Variants in PCDHA1 observed in about 807,000 individuals in gnomAD.
PCDHA1 encodes protocadherin alpha 1.
A neutral mutation model predicts 61.3 loss-of-function variants in PCDHA1; 42 were observed. The observed-to-expected ratio is 0.69, with a 90% CI of 0.54 to 0.89. The LOEUF (loss-of-function observed/expected upper bound fraction) is 0.89, where lower values mean the gene tolerates loss of function less well. Ranked by LOEUF, PCDHA1 falls within the 40% of genes least tolerant of loss-of-function variation. The pLI is 0.00. For missense variants in PCDHA1, 1,256 were observed against 1,235.3 expected, an observed-to-expected ratio of 1.02 and a Z score of -0.25; for synonymous variants, 610 against 553.8, an observed-to-expected ratio of 1.10 and a Z score of -1.43.
At chr5:140,799,828 A>G (rs1762478600) in intron 1 of PCDHA1, among the ~76,000 whole-genome samples, 1 of 152,148 alleles carries the variant, frequency 6.6e-6, no homozygotes, top group African/African-American at 2.4e-5. Context: ...TCTGGGTATA[A>G]GCAAAAATTT....
At chr5:140,852,838 C>A in intron 1 of PCDHA1, 1 of 968,954 alleles carries the variant, frequency 1.0e-6, no homozygotes, top group Non-Finnish European at 1.2e-6. Context: ...CTCCTTAGAG[C>A]TAGTACTTAC....
Position 141,011,847 on chromosome 5 carries a change from T to C in PCDHA1, c.*1910T>C, listed in dbSNP as rs745912784. 2.0e-5 allele frequency: 3 copies of C among 153,780 alleles called. No individual in the cohort carries two copies. Among genetic ancestry groups the C allele is most frequent in the Non-Finnish European group, 4.4e-5 (3 of 68,052 alleles). The allele number at this position is 153,780 out of a possible 1,614,324, so 9.5% of individuals were successfully genotyped here. ...ATTTGCTGTCACCTTAAATAAGACA[T>C]TTTAATTTTGTTATAATGTACAATT... On this transcript the variant is annotated 3_prime_UTR_variant, in exon 4 of 4. Coordinates refer to ENST00000504120, the MANE Select transcript of PCDHA1 (RefSeq NM_018900.4).
At chr5:140,989,890 G>A (rs368567650) in intron 3 of PCDHA1, among the ~76,000 whole-genome samples, 5 of 151,974 alleles carry the variant, frequency 3.3e-5, no homozygotes, top group Middle Eastern at 3.4e-3. Context: ...TGGAGTCTCC[G>A]TTATTCACAA....
At chr5:141,003,324 C>T (rs909788744) in intron 3 of PCDHA1, among the ~76,000 whole-genome samples, 4 of 152,132 alleles carry the variant, frequency 2.6e-5, no homozygotes, top group African/African-American at 9.7e-5. Flanking sequence ...TTCCAGAGGG[C>T]AGGGTTTTTT....
At chr5:140,796,968 G>C (rs369554786) in intron 1 of PCDHA1, 2 of 1,613,820 alleles carry the variant, frequency 1.2e-6, no homozygotes, top group East Asian at 4.5e-5. Context: ...TGTTAGTGTC[G>C]TTGGTGGAAA....
intron 1 of PCDHA1, chr5:140,807,586 C>T (rs782149681): frequency 1.9e-6 from 3 of 1,614,152 alleles, no homozygotes; most frequent in Non-Finnish European, 2.5e-6. Context: ...CGCCGGTGTT[C>T]CCAGCAACAC....
intron 1 of PCDHA1, chr5:140,852,757 G>T (rs1243910073): frequency 9.2e-6 from 9 of 983,578 alleles, no homozygotes; most frequent in Admixed American, 1.3e-4. Context: ...TTGGACCCAG[G>T]TATCTGATTA....
intron 1 of PCDHA1, chr5:140,807,930 A>G: frequency 6.2e-7 from 1 of 1,614,126 alleles, no homozygotes; most frequent in Non-Finnish European, 8.5e-7. Flanking sequence ...ACCATTTATA[A>G]GGTGAGATTA....
At chr5:140,795,149 G>A in intron 1 of PCDHA1, 3 of 1,614,036 alleles carry the variant, frequency 1.9e-6, no homozygotes, top group Non-Finnish European at 2.5e-6. Context: ...CTGGTGCCGC[G>A]CCTGTTCCGG....
At chr5:140,901,128 A>G (rs1429296842) in intron 1 of PCDHA1, among the ~76,000 whole-genome samples, 3 of 152,114 alleles carry the variant, frequency 2.0e-5, no homozygotes, top group South Asian at 2.1e-4. Flanking sequence ...TTAGATGGGT[A>G]GATTGTAAAT....
At chr5:140,973,833 T>C (rs1332537198) in intron 1 of PCDHA1, among the ~76,000 whole-genome samples, 1 of 152,242 alleles carries the variant, frequency 6.6e-6, no homozygotes, top group Non-Finnish European at 1.5e-5. Context: ...TCTGGGTACT[T>C]GCTTGTTGCC....
In PCDHA1 at chr5:140,926,779, C is replaced by T. The variant is rs1262086128; in HGVS notation, c.2395-52170C>T. 8 of 1,398,696 alleles carry T rather than the reference C, an allele frequency of 5.7e-6. No individual in the cohort carries two copies. In the South Asian group the frequency reaches 1.2e-4, roughly 21 times the overall value. 86.6% of individuals were successfully genotyped at this position (1,398,696 alleles called of 1,614,324 possible). A position where few individuals can be genotyped will look rare whatever the true frequency, so the allele number is the denominator to read the frequency against. On this transcript the variant is annotated intron_variant, in intron 1 of 3. Transcript: ENST00000504120. ...CTGAGTATCCAGCCCGCAGCAGTGACGGCCGGCAGGAGCGTGCTCTTCCCC... is the reference window on the plus strand; with the variant it reads ...CTGAGTATCCAGCCCGCAGCAGTGATGGCCGGCAGGAGCGTGCTCTTCCCC...
chr5:140,851,370 T>C, intron 1 of PCDHA1: 2 of 979,252 alleles, frequency 2.0e-6, no homozygotes, highest in South Asian at 4.7e-5. Flanking sequence ...AACATCTGAT[T>C]GTTCAGCAAC....
chr5:140,978,887 A>T, intron 1 of PCDHA1, 62 bp from the exon 2 acceptor site: 1 of 1,611,648 alleles, frequency 6.2e-7, no homozygotes, highest in Non-Finnish European at 8.5e-7. Context: ...ATCAATTAGC[A>T]GCATTCCTGG....
At chr5:140,809,109 A>G (rs1764366796) in intron 1 of PCDHA1, 1 of 1,613,816 alleles carries the variant, frequency 6.2e-7, no homozygotes, top group Admixed American at 1.7e-5. Flanking sequence ...GACGAAACGG[A>G]CGCTCCGCGC....
chr5:140,808,364 G>T (rs76650315), intron 1 of PCDHA1: 1 of 1,614,170 alleles, frequency 6.2e-7, no homozygotes, highest in South Asian at 1.1e-5. Flanking sequence ...GACGTCCCAC[G>T]TCCCCTTCAA....
chr5:140,822,005 A>G (rs2150112895), intron 1 of PCDHA1: 13 of 1,614,110 alleles, frequency 8.1e-6, no homozygotes, highest in Non-Finnish European at 1.1e-5. Flanking sequence ...CTGGAGGTAA[A>G]TCTGCAGAAT....
intron 1 of PCDHA1, chr5:140,966,193 G>C (rs1554228123): frequency 4.8e-6 from 1 of 207,392 alleles, no homozygotes; most frequent in Non-Finnish European, 9.5e-6. Flanking sequence ...CAGACTTCTA[G>C]GGGCTTGACT....
At chr5:140,843,505 T>A (rs2150361332) in intron 1 of PCDHA1, 2 of 1,595,718 alleles carry the variant, frequency 1.3e-6, no homozygotes, top group Admixed American at 1.7e-5. Context: ...CACTGCCCAC[T>A]GAGGGCGGGT....
Sources: allele counts gnomAD v4.1 joint callset (sites outside exome capture counted in the v4.1 genomes callset), GRCh38; gene constraint gnomAD v4.1.1; transcripts MANE v1.5; gene names NCBI Gene and HGNC (gene_info 2026-07-23, HGNC 2026-07-21).